ABCC12: variants seen among roughly 807,000 people sequenced by gnomAD.
ABCC12 encodes the protein ATP binding cassette subfamily C member 12, also known as ATP-binding cassette sub-family C member 12.
In ABCC12, 142 loss-of-function variants were observed where a neutral mutation model predicts 151.1. The ratio of observed to expected loss-of-function variants is 0.94; its 90% CI spans 0.82 to 1.08. The LOEUF (loss-of-function observed/expected upper bound fraction) is 1.08. ABCC12 is among the 50% of genes least tolerant of loss of function. The probability of loss-of-function intolerance (pLI) is 0.00; values close to 1 mark genes in which losing one functional copy is unlikely to be tolerated. For missense variants in ABCC12, 1,638 were observed against 1,691.1 expected (o/e 0.97, Z 0.55); for synonymous variants, 645 against 646.4 (o/e 1.00, Z 0.03).
rs1010480414 is a variant in ABCC12, at chr16:48,082,238, G to A, written c.*1477C>T. Among the ~76,000 whole-genome samples the A allele has an allele frequency of 5.9e-5, 9 of 152,230 alleles. No homozygotes were observed. Among genetic ancestry groups the A allele is most frequent in the Admixed American group, 6.5e-5 (1 of 15,290 alleles). Reference sequence around the variant, plus strand: ...GGGCAGGATCCATTGCTGCCAAGCTGCTGGGCCAGGGCTTTCATGCAGTTG... The same window carrying A: ...GGGCAGGATCCATTGCTGCCAAGCTACTGGGCCAGGGCTTTCATGCAGTTG... On this transcript the variant is annotated 3_prime_UTR_variant, in exon 31 of 31. Transcript: ENST00000311303.
At chr16:48,086,343 C>T (rs1424257776) in intron 28 of ABCC12, 3 of 191,302 alleles carry the variant, frequency 1.6e-5, no homozygotes, top group African/African-American at 2.3e-5. Context: ...GCAAATGAGG[C>T]CACTGGCAGA....
At chr16:48,146,241 C>G in intron 3 of ABCC12, 65 bp downstream of exon 3, 1 of 1,463,044 alleles carries the variant, frequency 6.8e-7, no homozygotes, top group Admixed American at 1.7e-5. Flanking sequence ...GCAGTGCCCA[C>G]TCTCCTGATG....
rs75520300 is a variant in ABCC12, at chr16:48,125,370, C to T, written c.1516-1086G>A. On this transcript the variant is annotated intron_variant, in intron 11 of 30. Coordinates refer to ENST00000311303, the MANE Select transcript of ABCC12 (RefSeq NM_001393797.1). ...CAGCAGTCATTGTTTGAGGGCTGCTCTCTAGTCTGTGAAGGTCTTTATGGA... is the reference window on the plus strand; with the variant it reads ...CAGCAGTCATTGTTTGAGGGCTGCTTTCTAGTCTGTGAAGGTCTTTATGGA... Among the ~76,000 whole-genome samples, 1,196 of 152,244 alleles carry T rather than the reference C, an allele frequency of 7.9e-3. 14 individuals are homozygous for T. The highest frequency in any genetic ancestry group is 0.027 in the African/African-American group (1,115 of 41,548).
chr16:48,107,526 C>G (rs994433069), intron 19 of ABCC12, 101 bp from the exon 20 acceptor site: 4 of 1,025,326 alleles, frequency 3.9e-6, no homozygotes, highest in Non-Finnish European at 6.0e-6. Context: ...TCAAAACCTG[C>G]AGGAAAAGGA....
At chr16:48,125,467 A>C (rs1277201639) in intron 11 of ABCC12, among the ~76,000 whole-genome samples, 1 of 152,228 alleles carries the variant, frequency 6.6e-6, no homozygotes, top group Non-Finnish European at 1.5e-5. Context: ...TTAGAGGTCC[A>C]GGGCACATGG....
chr16:48,129,100 T>C (rs1267824404), intron 10 of ABCC12, among the ~76,000 whole-genome samples: 1 of 152,264 alleles, frequency 6.6e-6, no homozygotes, highest in African/African-American at 2.4e-5. Context: ...GCTCAGTCTC[T>C]GCTGTGTCCT....
At chr16:48,106,521 C>T (rs756218250) in intron 20 of ABCC12, among the ~76,000 whole-genome samples, 12 of 152,230 alleles carry the variant, frequency 7.9e-5, no homozygotes, top group Non-Finnish European at 1.8e-4. Context: ...AAGGACAGGG[C>T]TCTTCGTGAG....
At position 48,144,085 on chromosome 16, in the gene ABCC12, TC is replaced by T; in HGVS notation, c.120-21del. 6.2e-7 allele frequency: 1 copy of T among 1,605,362 alleles called. No homozygotes were observed. Among genetic ancestry groups the T allele is most frequent in the Non-Finnish European group, 8.5e-7 (1 of 1,174,518 alleles). On this transcript the variant is annotated intron_variant, in intron 3 of 30. Coordinates refer to ENST00000311303, the MANE Select transcript of ABCC12 (RefSeq NM_001393797.1). ...GCTAACCTGCAGACAAACAAGACAC[TC>T]AGCGTTCCAGGCACTGGGGTCATTG...
intron 23 of ABCC12, among the ~76,000 whole-genome samples, chr16:48,099,833 A>G (rs1346739575): frequency 5.9e-5 from 9 of 152,302 alleles, no homozygotes; most frequent in Non-Finnish European, 1.0e-4. Context: ...GTGGAGTACA[A>G]TCACCTACTG....
chr16:48,117,389 C>A, intron 13 of ABCC12, 56 bp from the exon 14 acceptor site: 1 of 1,583,266 alleles, frequency 6.3e-7, no homozygotes, highest in South Asian at 1.1e-5. Flanking sequence ...GCACTGCTGC[C>A]CTGGGCTGCT....
chr16:48,106,942 G>C (rs1225950574), intron 20 of ABCC12, among the ~76,000 whole-genome samples: 1 of 152,228 alleles, frequency 6.6e-6, no homozygotes, highest in Admixed American at 6.5e-5. Context: ...GCACTGGGCA[G>C]TGTCCGTAAC....
In ABCC12 at chr16:48,111,782, C is replaced by T; in HGVS notation, c.2118G>A (p.Gln706=). Reference sequence around the variant, plus strand: ...CTGCCCAGGTGTGAGTTACCTTGAACTGCAATCCTCGCAGGTTGTGAATCA... The same window carrying T: ...CTGCCCAGGTGTGAGTTACCTTGAATTGCAATCCTCGCAGGTTGTGAATCA... The part of the protein sequence containing the change: ...AKLIHNLRGL[Q]FKDPEHLYNA... The change falls in exon 16 of 31, where the codon CAG becomes CAA. Residue 706 remains glutamine, a synonymous_variant. Transcript: ENST00000311303. 5.0e-6 allele frequency: 8 copies of T among 1,614,156 alleles called. No individual in the cohort carries two copies. The highest frequency in any genetic ancestry group is 6.8e-6 in the Non-Finnish European group (8 of 1,180,016).
chr16:48,100,943 G>A lies in ABCC12; in HGVS notation c.2967C>T (p.Thr989=), dbSNP rs774895053. Residue 989 remains threonine (T), a synonymous_variant, in exon 23 of 31, where the codon ACC becomes ACT. Transcript: ENST00000311303. The stretch of plus-strand genomic sequence containing the variant: ...GGCCCTGCATGGAGGAGGTGATGTG[G>A]GTGAACCAGGGTGACCGGCTGACAT... ...VENVSRSPWF[T]HITSSMQGLG... 3 of 1,614,102 alleles carry A rather than the reference G, an allele frequency of 1.9e-6. No homozygotes were observed. The African/African-American group carries it at 4.0e-5, about 22-fold the overall frequency.
chr16:48,154,461 G>A (rs546713804), intron 1 of ABCC12, among the ~76,000 whole-genome samples: 2 of 152,050 alleles, frequency 1.3e-5, no homozygotes, highest in Admixed American at 6.6e-5. Flanking sequence ...CGTTGAGCAC[G>A]GCAGCCCCTC....
At chr16:48,146,244 T>C in intron 3 of ABCC12, 62 bp downstream of exon 3, 1 of 1,500,476 alleles carries the variant, frequency 6.7e-7, no homozygotes, top group Non-Finnish European at 9.3e-7. Flanking sequence ...GTGCCCACTC[T>C]CCTGATGGAC....
At chr16:48,111,239 C>T (rs1963675055) in intron 18 of ABCC12, among the ~76,000 whole-genome samples, 197 bp downstream of exon 18, 1 of 152,174 alleles carries the variant, frequency 6.6e-6, no homozygotes, top group Non-Finnish European at 1.5e-5. Flanking sequence ...GTATCTTGCT[C>T]AAGGTCACAA....
chr16:48,101,755 A>T (rs8060288), intron 22 of ABCC12, among the ~76,000 whole-genome samples: 2,982 of 152,296 alleles, frequency 0.02, 101 homozygotes, highest in African/African-American at 0.068. Flanking sequence ...AGGGGTGGGT[A>T]CAGAGCAGGG....
At chr16:48,130,128 G>A (rs1964371561) in intron 10 of ABCC12, among the ~76,000 whole-genome samples, 3 of 152,316 alleles carry the variant, frequency 2.0e-5, no homozygotes, top group Admixed American at 2.0e-4. Flanking sequence ...GTTTGAACAA[G>A]CTTTCGTGTT....
intron 8 of ABCC12, among the ~76,000 whole-genome samples, chr16:48,135,447 T>C (rs1399474538): frequency 1.3e-5 from 2 of 152,164 alleles, no homozygotes; most frequent in Admixed American, 6.5e-5. Flanking sequence ...AATGACATGA[T>C]AGAGCTCACT....
Sources: gnomAD v4.1 joint callset for allele counts (sites outside exome capture counted in the v4.1 genomes callset) on GRCh38, gnomAD v4.1.1 for gene constraint, MANE v1.5 for transcripts, NCBI Gene and HGNC (gene_info 2026-07-23, HGNC 2026-07-21) for gene names.